Variants in TCF12 observed in about 807,000 individuals in gnomAD.
TCF12 encodes DNA-binding protein HTF4.
Under a neutral mutation model 86.0 loss-of-function variants are expected in TCF12, and 45 were observed. That is an observed-to-expected ratio of 0.52 (90% CI 0.41 to 0.67). The LOEUF is 0.67. Among genes scored for constraint, TCF12 ranks in the 30% least tolerant of loss-of-function variants. TCF12 has a pLI of 0.00. For missense variants in TCF12, 881 were observed against 859.9 expected (o/e 1.02, Z -0.31); for synonymous variants, 330 against 299.6 (o/e 1.10, Z -1.05).
chr15:57,117,959 G>C (rs561039838), intron 5 of TCF12, among the ~76,000 whole-genome samples: 5 of 152,166 alleles, frequency 3.3e-5, no homozygotes, highest in Admixed American at 2.0e-4. Flanking sequence ...ATTAAGTTTT[G>C]TTGTTGATAA....
At chr15:56,918,436 C>A, upstream of TCF12, 1 of 351,622 alleles carries the variant, frequency 2.8e-6, no homozygotes, top group Admixed American at 3.6e-5. Context: ...GAGGTGCCTG[C>A]GAGCGCCTCA....
At chr15:57,006,528 C>G (rs1349523269) in intron 3 of TCF12, among the ~76,000 whole-genome samples, 1 of 152,054 alleles carries the variant, frequency 6.6e-6, no homozygotes, top group East Asian at 1.9e-4. Flanking sequence ...CATGGAGGCT[C>G]ACGCCTGTAA....
intron 12 of TCF12, among the ~76,000 whole-genome samples, chr15:57,241,992 A>G (rs1218726591): frequency 6.6e-6 from 1 of 152,010 alleles, no homozygotes; most frequent in Non-Finnish European, 1.5e-5. Flanking sequence ...ACTCCATCTC[A>G]GGGAAAAAAA....
At chr15:57,097,886 T>G (rs555584546) in intron 5 of TCF12, among the ~76,000 whole-genome samples, 1 of 152,058 alleles carries the variant, frequency 6.6e-6, no homozygotes, top group Non-Finnish European at 1.5e-5. Context: ...CCAGGCACAA[T>G]GGCTCACCCC....
At chr15:56,932,802 G>A (rs1429500990) in intron 3 of TCF12, among the ~76,000 whole-genome samples, 1 of 152,194 alleles carries the variant, frequency 6.6e-6, no homozygotes, top group African/African-American at 2.4e-5. Flanking sequence ...GCCCACCTTG[G>A]CCTCCCAAAG....
At chr15:56,983,821 G>A (rs770660716) in intron 3 of TCF12, among the ~76,000 whole-genome samples, 1 of 151,568 alleles carries the variant, frequency 6.6e-6, no homozygotes, top group African/African-American at 2.4e-5. Flanking sequence ...GAAGCAAAAT[G>A]AGACTCCGTT....
chr15:57,274,155 A>C (rs2061272480), intron 19 of TCF12, among the ~76,000 whole-genome samples: 1 of 152,118 alleles, frequency 6.6e-6, no homozygotes, highest in Non-Finnish European at 1.5e-5. Flanking sequence ...AATTCTTTCG[A>C]TTTTGTGTGA....
intron 3 of TCF12, among the ~76,000 whole-genome samples, chr15:56,999,864 ACT>A (rs1245983036): frequency 6.6e-6 from 1 of 151,952 alleles, no homozygotes; most frequent in Non-Finnish European, 1.5e-5. Context: ...ACAGAGTGAG[ACT>A]CTGTCTCAAT....
At chr15:57,175,105 C>T (rs2055813317) in intron 6 of TCF12, among the ~76,000 whole-genome samples, 1 of 152,136 alleles carries the variant, frequency 6.6e-6, no homozygotes, top group African/African-American at 2.4e-5. Context: ...ATAAAGCATT[C>T]CAGGCTGAGG....
At chr15:57,227,264 C>G (rs1251275553) in intron 8 of TCF12, among the ~76,000 whole-genome samples, 1 of 152,092 alleles carries the variant, frequency 6.6e-6, no homozygotes, top group African/African-American at 2.4e-5. Flanking sequence ...GTCATTACGC[C>G]TCCCTGCCTC....
At position 57,289,707 on chromosome 15, in the gene TCF12, T is replaced by C. The variant is rs1177774202; in HGVS notation, c.*3562T>C. Reference sequence around the variant, plus strand: ...AATCTAAGCTCAACATCTGATTAACTTCATTTTCCTATCTGAAAAATGGAG... The same window carrying C: ...AATCTAAGCTCAACATCTGATTAACCTCATTTTCCTATCTGAAAAATGGAG... On this transcript the variant is annotated 3_prime_UTR_variant, in exon 21 of 21. Transcript: ENST00000333725. 1 of 152,164 alleles carries C rather than the reference T, an allele frequency of 6.6e-6. No individual in the cohort carries two copies. Among genetic ancestry groups the C allele is most frequent in the Non-Finnish European group, 1.5e-5 (1 of 68,034 alleles). 9.4% of individuals were successfully genotyped at this position (152,164 alleles called of 1,614,324 possible). A position where few individuals can be genotyped will look rare whatever the true frequency, so the allele number is the denominator to read the frequency against.
chr15:56,926,236 C>T (rs1469368462), intron 3 of TCF12, among the ~76,000 whole-genome samples: 1 of 151,744 alleles, frequency 6.6e-6, no homozygotes, highest in African/African-American at 2.4e-5. Context: ...TTGCTTGAAC[C>T]CAGGAGGCAG....
chr15:57,161,649 G>C (rs1596939487), intron 5 of TCF12, among the ~76,000 whole-genome samples: 1 of 152,160 alleles, frequency 6.6e-6, no homozygotes, highest in Admixed American at 6.5e-5. Flanking sequence ...AGGAAAATCA[G>C]TGAACTTGAA....
chr15:56,945,960 C>G (rs1330406906), intron 3 of TCF12, among the ~76,000 whole-genome samples: 1 of 152,156 alleles, frequency 6.6e-6, no homozygotes, highest in African/African-American at 2.4e-5. Context: ...GATATAGCTA[C>G]AGCATGAAGG....
At chr15:57,059,864 A>G (rs2068327396) in intron 3 of TCF12, among the ~76,000 whole-genome samples, 1 of 151,888 alleles carries the variant, frequency 6.6e-6, no homozygotes, top group South Asian at 2.1e-4. Context: ...AAACCTAGAG[A>G]TGCCCATAGG....
intron 3 of TCF12, among the ~76,000 whole-genome samples, chr15:56,983,505 T>C (rs1200252571): frequency 5.3e-5 from 8 of 152,160 alleles, no homozygotes; most frequent in Admixed American, 5.2e-4. Flanking sequence ...TCCAAAATAT[T>C]CTGAATTTTA....
At chr15:57,120,813 T>G (rs1472143523) in intron 5 of TCF12, among the ~76,000 whole-genome samples, 1 of 151,404 alleles carries the variant, frequency 6.6e-6, no homozygotes, top group Non-Finnish European at 1.5e-5. Context: ...ACTGGAAGAG[T>G]TTGGTTGTTA....
chr15:57,169,726 A>G (rs1487420198), intron 6 of TCF12, among the ~76,000 whole-genome samples: 4 of 152,200 alleles, frequency 2.6e-5, no homozygotes, highest in African/African-American at 9.6e-5. Flanking sequence ...TTTTGAGACC[A>G]CAGCTAAGTC....
chr15:57,125,677 T>G (rs1429229886), intron 5 of TCF12, among the ~76,000 whole-genome samples: 2 of 152,228 alleles, frequency 1.3e-5, no homozygotes, highest in Non-Finnish European at 2.9e-5. Context: ...GAATTTAACA[T>G]TAATACTTGT....
Sources: gnomAD v4.1 joint callset for allele counts (sites outside exome capture counted in the v4.1 genomes callset) on GRCh38, gnomAD v4.1.1 for gene constraint, MANE v1.5 for transcripts, NCBI Gene and HGNC (gene_info 2026-07-23, HGNC 2026-07-21) for gene names.